FAM83B: variants seen among roughly 807,000 people sequenced by gnomAD.
FAM83B encodes the protein scaffolding CK1 anchoring protein B.
A neutral mutation model predicts 38.8 loss-of-function variants in FAM83B; 26 were observed. The observed-to-expected ratio is 0.67, with a 90% confidence interval of 0.49 to 0.93. The LOEUF is 0.93. Among genes scored for constraint, FAM83B ranks in the 40% least tolerant of loss-of-function variants. The pLI is 0.00. For synonymous variants in FAM83B, 419 were observed against 423.1 expected (o/e 0.99, Z 0.12); for missense variants, 1,237 against 1,197.3 (o/e 1.03, Z -0.49).
chr6:54,859,607 A>G (rs1503139), intron 1 of FAM83B, among the ~76,000 whole-genome samples: 108,434 of 152,146 alleles, frequency 0.71, 40,043 homozygotes, highest in African/African-American at 0.91. Flanking sequence ...AGCATGTGTT[A>G]GGGATTACTG....
intron 4 of FAM83B, 21 bp from the exon 5 acceptor site, chr6:54,939,685 T>G: frequency 6.5e-7 from 1 of 1,539,900 alleles, no homozygotes. Context: ...ATGATTAAAA[T>G]TTTTCCATTT....
intron 2 of FAM83B, among the ~76,000 whole-genome samples, chr6:54,874,145 T>C (rs1259536053): frequency 6.6e-6 from 1 of 152,118 alleles, no homozygotes; most frequent in Non-Finnish European, 1.5e-5. Flanking sequence ...TCTTGATCAT[T>C]TTGCTTTTAT....
At chr6:54,929,409 C>A (rs1040622472) in intron 4 of FAM83B, among the ~76,000 whole-genome samples, 1 of 152,076 alleles carries the variant, frequency 6.6e-6, no homozygotes, top group Non-Finnish European at 1.5e-5. Context: ...TGGAGAGGCC[C>A]AGAATCTGTA....
chr6:54,862,688 G>T (rs1179126252), intron 1 of FAM83B, among the ~76,000 whole-genome samples: 1 of 152,008 alleles, frequency 6.6e-6, no homozygotes, highest in East Asian at 1.9e-4. Context: ...ACTAGCCTGG[G>T]CAACATGGTG....
At chr6:54,905,803 G>T (rs1772764923) in intron 2 of FAM83B, among the ~76,000 whole-genome samples, 1 of 134,412 alleles carries the variant, frequency 7.4e-6, no homozygotes, top group Non-Finnish European at 1.6e-5. Context: ...AATCTTTTAT[G>T]ATCACAATCA....
chr6:54,886,070 G>A (rs1772267969), intron 2 of FAM83B, among the ~76,000 whole-genome samples: 1 of 151,440 alleles, frequency 6.6e-6, no homozygotes, highest in Non-Finnish European at 1.5e-5. Flanking sequence ...CTTTATTCTG[G>A]TAATATCTTA....
chr6:54,928,752 T>C (rs947342296), intron 4 of FAM83B, among the ~76,000 whole-genome samples: 1 of 152,168 alleles, frequency 6.6e-6, no homozygotes, highest in African/African-American at 2.4e-5. Context: ...ACTTGACTTG[T>C]AGAATCATTG....
chr6:54,914,951 T>C (rs185026119), intron 2 of FAM83B, among the ~76,000 whole-genome samples: 1 of 152,302 alleles, frequency 6.6e-6, no homozygotes, highest in African/African-American at 2.4e-5. Flanking sequence ...AGTTTTAGCA[T>C]ATTTGTATAA....
chr6:54,850,168 A>G (rs1581874944), intron 1 of FAM83B, among the ~76,000 whole-genome samples: 1 of 152,196 alleles, frequency 6.6e-6, no homozygotes, highest in East Asian at 1.9e-4. Flanking sequence ...GTTCCTTCCT[A>G]TTCTCTGAAG....
intron 1 of FAM83B, among the ~76,000 whole-genome samples, chr6:54,866,648 ATGG>A (rs1561907258): frequency 2.6e-4 from 40 of 152,264 alleles, no homozygotes; most frequent in African/African-American, 9.1e-4. Flanking sequence ...ATTCCACAGT[ATGG>A]GTGTACCATA....
At chr6:54,909,966 A>T (rs1772868825) in intron 2 of FAM83B, among the ~76,000 whole-genome samples, 1 of 152,232 alleles carries the variant, frequency 6.6e-6, no homozygotes. Context: ...TGGAAGATTC[A>T]GTAAGATGTG....
rs541308290 is a variant in FAM83B at position 54,891,526 on chromosome 6, C to T, written c.444+20836C>T. On this transcript the variant is annotated intron_variant, in intron 2 of 4. Coordinates refer to ENST00000306858, the MANE Select transcript of FAM83B (RefSeq NM_001010872.3). Reference sequence around the variant, plus strand: ...TGCTTTCTACCTTCATACTTTGGCACTATTGCTATTTACAACCTGATGTGG... The same window carrying T: ...TGCTTTCTACCTTCATACTTTGGCATTATTGCTATTTACAACCTGATGTGG... Among the ~76,000 whole-genome samples the T allele has an allele frequency of 1.8e-4, 27 of 152,264 alleles. No homozygotes were observed. In the South Asian group the frequency reaches 4.1e-3, roughly 23 times the overall value.
intron 2 of FAM83B, among the ~76,000 whole-genome samples, chr6:54,910,326 T>C (rs1411496114): frequency 6.6e-6 from 1 of 152,266 alleles, no homozygotes; most frequent in African/African-American, 2.4e-5. Context: ...TCAGGTTTTA[T>C]ATTTGCCACC....
At chr6:54,880,577 T>C (rs1741672431) in intron 2 of FAM83B, among the ~76,000 whole-genome samples, 1 of 151,274 alleles carries the variant, frequency 6.6e-6, no homozygotes, top group Non-Finnish European at 1.5e-5. Flanking sequence ...CCTGAGTAGC[T>C]GGGATTACAG....
chr6:54,867,762 C>T (rs1771751113), intron 1 of FAM83B, among the ~76,000 whole-genome samples: 1 of 151,968 alleles, frequency 6.6e-6, no homozygotes, highest in Non-Finnish European at 1.5e-5. Context: ...AGGTGTAGCT[C>T]AGAAATAGGT....
At chr6:54,919,029 G>A (rs139978165) in intron 2 of FAM83B, among the ~76,000 whole-genome samples, 70 of 152,192 alleles carry the variant, frequency 4.6e-4, no homozygotes, top group African/African-American at 1.6e-3. Flanking sequence ...GGCTTTGAGG[G>A]CCCATGCGTG....
At chr6:54,907,741 C>T (rs914691343) in intron 2 of FAM83B, among the ~76,000 whole-genome samples, 2 of 151,870 alleles carry the variant, frequency 1.3e-5, no homozygotes, top group African/African-American at 4.8e-5. Context: ...CTGTTCCATG[C>T]GAGGTTCTGG....
At chr6:54,864,450 C>T (rs1264180437) in intron 1 of FAM83B, among the ~76,000 whole-genome samples, 1 of 152,142 alleles carries the variant, frequency 6.6e-6, no homozygotes, top group Non-Finnish European at 1.5e-5. Flanking sequence ...CACCCTGTGA[C>T]TGAGTGCGTC....
intron 1 of FAM83B, among the ~76,000 whole-genome samples, chr6:54,852,408 T>TG (rs779535759): frequency 1.3e-5 from 2 of 152,304 alleles, no homozygotes; most frequent in East Asian, 1.9e-4. Context: ...TTGTAATTTT[T>TG]TGGGGGTGCT....
Sources: allele counts gnomAD v4.1 joint callset (sites outside exome capture counted in the v4.1 genomes callset), GRCh38; gene constraint gnomAD v4.1.1; transcripts MANE v1.5; gene names NCBI Gene and HGNC (gene_info 2026-07-23, HGNC 2026-07-21).